AKT3: variants seen among roughly 807,000 people sequenced by gnomAD.
The protein encoded by AKT3 is AKT serine/threonine kinase 3, also known as RAC-gamma serine/threonine-protein kinase.
AKT3 carries 15 observed loss-of-function variants against 65.3 expected under a neutral mutation model. That is an observed-to-expected ratio of 0.23 (90% CI 0.15 to 0.35). AKT3 has a LOEUF of 0.35. Among genes scored for constraint, AKT3 ranks in the 10% least tolerant of loss-of-function variants. AKT3 has a pLI of 1.00. For missense variants in AKT3, 243 were observed against 576.5 expected (o/e 0.42, Z 5.92); for synonymous variants, 206 against 183.8 (o/e 1.12, Z -0.98).
intron 2 of AKT3, among the ~76,000 whole-genome samples, chr1:243,782,039 T>A (rs917964549): frequency 2.6e-4 from 39 of 152,106 alleles, no homozygotes; most frequent in African/African-American, 8.7e-4. Flanking sequence ...TTCAGCCTGG[T>A]CTCAAATTCC....
chr1:243,700,667 C>T (rs975553814), intron 2 of AKT3, among the ~76,000 whole-genome samples: 10 of 152,162 alleles, frequency 6.6e-5, no homozygotes, highest in African/African-American at 1.9e-4. Context: ...CCACACCCAC[C>T]CATTTTTTGT....
At chr1:243,817,179 A>AG (rs2148413279) in intron 2 of AKT3, among the ~76,000 whole-genome samples, 1 of 152,318 alleles carries the variant, frequency 6.6e-6, no homozygotes, top group South Asian at 2.1e-4. Context: ...CTTTTAGTTC[A>AG]GTGCAGCTAC....
intron 2 of AKT3, among the ~76,000 whole-genome samples, chr1:243,800,763 C>T (rs539343675): frequency 3.5e-4 from 53 of 151,572 alleles, no homozygotes; most frequent in Middle Eastern, 6.8e-3. Flanking sequence ...CACACTGGAG[C>T]GACAAGAGTA....
intron 8 of AKT3, among the ~76,000 whole-genome samples, chr1:243,589,991 G>T (rs1026526979): frequency 2.6e-5 from 4 of 152,238 alleles, no homozygotes; most frequent in African/African-American, 9.6e-5. Context: ...AAATAAGTCA[G>T]GGATGACAAA....
At chr1:243,490,355 C>T (rs765493974) in intron 13 of AKT3, among the ~76,000 whole-genome samples, 5 of 152,230 alleles carry the variant, frequency 3.3e-5, no homozygotes, top group East Asian at 1.9e-4. Context: ...GAGCCACAGC[C>T]GCACTGCCAC....
intron 2 of AKT3, among the ~76,000 whole-genome samples, chr1:243,804,324 A>G (rs961375779): frequency 6.6e-6 from 1 of 152,252 alleles, no homozygotes; most frequent in African/African-American, 2.4e-5. Flanking sequence ...TTACTGTAAC[A>G]AAACTTTTAA....
At chr1:243,771,698 G>C (rs533686068) in intron 2 of AKT3, among the ~76,000 whole-genome samples, 23 of 151,992 alleles carry the variant, frequency 1.5e-4, no homozygotes, top group African/African-American at 4.8e-4. Flanking sequence ...TACCACAAAA[G>C]GTTCAAGTAA....
In AKT3 at chr1:243,699,730, C is replaced by G. The variant is rs73128250; in HGVS notation, c.47-4014G>C. 7.0e-3 allele frequency among the ~76,000 whole-genome samples: 1,069 copies of G among 151,924 alleles called. 12 individuals carry two copies. Among genetic ancestry groups the G allele is most frequent in the African/African-American group, 0.025 (1,034 of 41,400 alleles). On this transcript the variant is annotated intron_variant, in intron 2 of 13. Coordinates refer to ENST00000673466, the MANE Select transcript of AKT3 (RefSeq NM_005465.7). ...ATTACCTTATGGTAAAAAAGAATGA[C>G]TATTACTTTATATGGCAACACATGT...
chr1:243,525,685 G>A (rs181147081), intron 12 of AKT3, among the ~76,000 whole-genome samples: 1 of 136,188 alleles, frequency 7.3e-6, no homozygotes, highest in African/African-American at 2.8e-5. Flanking sequence ...TACCAGCAGA[G>A]ATTATTATCC....
intron 5 of AKT3, among the ~76,000 whole-genome samples, chr1:243,642,695 G>A (rs1680528123): frequency 6.6e-6 from 1 of 152,134 alleles, no homozygotes; most frequent in African/African-American, 2.4e-5. Context: ...AGAATTTATT[G>A]GGGAAATACT....
At chr1:243,751,357 C>A (rs1172873318) in intron 2 of AKT3, among the ~76,000 whole-genome samples, 2 of 152,168 alleles carry the variant, frequency 1.3e-5, no homozygotes, top group African/African-American at 4.8e-5. Context: ...GACATTCATG[C>A]CAAACGCTTG....
At chr1:243,795,475 G>GTTTTTTTTTTTTTT (rs369512939) in intron 2 of AKT3, among the ~76,000 whole-genome samples, 55 of 87,990 alleles carry the variant, frequency 6.3e-4, no homozygotes, top group Non-Finnish European at 8.8e-4. Flanking sequence ...TTTTTTTTTT[G>GTTTTTTTTTTTTTT]GTTTTTTTTT....
At chr1:243,701,264 C>T (rs1339947315) in intron 2 of AKT3, among the ~76,000 whole-genome samples, 1 of 152,170 alleles carries the variant, frequency 6.6e-6, no homozygotes, top group Non-Finnish European at 1.5e-5. Context: ...AAAAGATCTT[C>T]AGAAATAATT....
intron 4 of AKT3, among the ~76,000 whole-genome samples, chr1:243,652,926 G>A (rs1014302576): frequency 3.3e-5 from 5 of 151,802 alleles, no homozygotes; most frequent in Admixed American, 1.3e-4. Context: ...AAATATAGAC[G>A]CATCCAACAC....
intron 2 of AKT3, 23 bp downstream of exon 2, chr1:243,843,102 T>C (rs770950204): frequency 6.2e-7 from 1 of 1,611,776 alleles, no homozygotes; most frequent in South Asian, 1.1e-5. Context: ...AACCGTATTA[T>C]TTTTGGTTTG....
At chr1:243,781,745 T>TA (rs754777024) in intron 2 of AKT3, among the ~76,000 whole-genome samples, 1 of 152,154 alleles carries the variant, frequency 6.6e-6, no homozygotes, top group Non-Finnish European at 1.5e-5. Context: ...TTATATTCCT[T>TA]AAAATAAGCA....
In AKT3 at chr1:243,837,975, T is replaced by C. The variant is rs369341244; in HGVS notation, c.46+5150A>G. The stretch of plus-strand genomic sequence containing the variant: ...GATGTTCGCAGATAACTTGACCATC[T>C]ATGTAGAAAATCTTTAAACTAACAT... On this transcript the variant is annotated intron_variant, in intron 2 of 13. Coordinates refer to ENST00000673466, the MANE Select transcript of AKT3 (RefSeq NM_005465.7). Among the ~76,000 whole-genome samples the C allele has an allele frequency of 9.2e-5, 14 of 152,280 alleles. No homozygotes were observed. The South Asian group carries it at 2.9e-3, about 32-fold the overall frequency.
chr1:243,726,958 C>T (rs559011384), intron 2 of AKT3, among the ~76,000 whole-genome samples: 36 of 152,280 alleles, frequency 2.4e-4, no homozygotes, highest in Non-Finnish European at 4.6e-4. Context: ...CAATAGGTGG[C>T]CTAGCCAAGG....
At position 243,850,032 on chromosome 1, in the gene AKT3, G is replaced by T; in HGVS notation, c.-113+8C>A. 1 of 986,800 alleles carries T rather than the reference G, an allele frequency of 1.0e-6. No homozygotes were observed. Among genetic ancestry groups the T allele is most frequent in the Non-Finnish European group, 1.2e-6 (1 of 831,578 alleles). 61.1% of individuals were successfully genotyped at this position (986,800 alleles called of 1,614,324 possible). Reference sequence around the variant, plus strand: ...GAGGGGGCTAGAGTTGGGGGCGGTGGCTGTTACCTGCAACGGCGGCGGCGG... The same window carrying T: ...GAGGGGGCTAGAGTTGGGGGCGGTGTCTGTTACCTGCAACGGCGGCGGCGG... On this transcript the variant is annotated splice_region_variant and intron_variant, in intron 1 of 13. Transcript: ENST00000673466.
Sources: allele counts gnomAD v4.1 joint callset (sites outside exome capture counted in the v4.1 genomes callset), GRCh38; gene constraint gnomAD v4.1.1; transcripts MANE v1.5; gene names NCBI Gene and HGNC (gene_info 2026-07-23, HGNC 2026-07-21).